MRPL43: variants seen among roughly 807,000 people sequenced by gnomAD.
The protein encoded by MRPL43 is large ribosomal subunit protein mL43.
Under a neutral mutation model 12.7 loss-of-function variants are expected in MRPL43, and 9 were observed. The ratio of observed to expected loss-of-function variants is 0.71; its 90% CI spans 0.43 to 1.24. The LOEUF (loss-of-function observed/expected upper bound fraction) is 1.24. Among genes scored for constraint, MRPL43 ranks in the 50% most tolerant of loss-of-function variants. The pLI is 0.00. For synonymous variants in MRPL43, 116 were observed against 96.4 expected, an observed-to-expected ratio of 1.20 and a Z score of -1.19; for missense variants, 211 against 229.2, an observed-to-expected ratio of 0.92 and a Z score of 0.51.
chr10:100,984,520 T>C (rs1022174562), downstream of MRPL43: 39 of 1,535,988 alleles, frequency 2.5e-5, no homozygotes, highest in African/African-American at 5.5e-5. Flanking sequence ...ATGGGCTCAA[T>C]GTCACCACCC....
chr10:100,979,853 C>A (rs142303289), downstream of MRPL43: 7 of 1,613,558 alleles, frequency 4.3e-6, no homozygotes, highest in African/African-American at 8.0e-5. Context: ...TCTAGGAAGA[C>A]CCTGGAGGCC....
chr10:100,984,479 C>G, downstream of MRPL43: 1 of 1,531,170 alleles, frequency 6.5e-7, no homozygotes, highest in Non-Finnish European at 8.7e-7. Flanking sequence ...AACCCTTTCT[C>G]TTTCTCCCAG....
downstream of MRPL43, chr10:100,978,531 AG>A (rs750452775): frequency 1.5e-5 from 25 of 1,613,878 alleles, no homozygotes; most frequent in Non-Finnish European, 1.9e-5. Flanking sequence ...CGCCAGATGG[AG>A]GCCTCTACAC....
At position 100,986,766 on chromosome 10, in the gene MRPL43, C is replaced by G. The variant is rs754807093; in HGVS notation, c.448G>C (p.Asp150His). ...FRGLRPREVQDPAPAQVQAQ is the reference protein window; with the variant it reads ...FRGLRPREVQHPAPAQVQAQ ...GCTTGCACCTGGGCTGGGGCAGGAT[C>G]CTGAACCTCTCGGGGGCGTAGCCCG... The change falls in exon 3 of 3, where the codon GAT becomes CAT. Residue 150 changes from aspartate to histidine, a missense_variant. Asp to His is a moderately conservative substitution (Grantham distance 81). Transcript: ENST00000318364. 1.5e-5 allele frequency: 25 copies of G among 1,613,756 alleles called. No individual in the cohort carries two copies. In the Admixed American group the frequency reaches 4.2e-4, roughly 27 times the overall value.
chr10:100,978,043 CTCAGATGTTCT>C, downstream of MRPL43: 1 of 574,750 alleles, frequency 1.7e-6, no homozygotes, highest in Non-Finnish European at 3.1e-6. Flanking sequence ...GGGCTAGGGG[CTCAGATGTTCT>C]TCATAGATAA....
In MRPL43 at chr10:100,987,144, C is replaced by T. The variant is rs748575303; in HGVS notation, c.184G>A (p.Val62Ile). ...IDFARRNPGVVIYVNSRPCCV... is the reference protein window; with the variant it reads ...IDFARRNPGVIIYVNSRPCCV... ...CACGGACGCGAGTTTACATATATTACGACCCCTGGATTCCGTCGGGCGAAG... is the reference window on the plus strand; with the variant it reads ...CACGGACGCGAGTTTACATATATTATGACCCCTGGATTCCGTCGGGCGAAG... Residue 62 changes from valine to isoleucine, a missense_variant, in exon 2 of 3, where the codon GTA (valine) becomes ATA (isoleucine). Transcript: ENST00000318364. 1.7e-5 allele frequency: 27 copies of T among 1,613,804 alleles called. No homozygotes were observed. Among genetic ancestry groups the T allele is most frequent in the Non-Finnish European group, 2.0e-5 (24 of 1,180,038 alleles).
chr10:100,978,947 G>C, downstream of MRPL43: 1 of 1,614,192 alleles, frequency 6.2e-7, no homozygotes, highest in Non-Finnish European at 8.5e-7. Flanking sequence ...GCGTGCCACT[G>C]AGGAGGGCTC....
downstream of MRPL43, chr10:100,979,371 G>C (rs1850945289): frequency 1.3e-6 from 2 of 1,596,360 alleles, no homozygotes; most frequent in Admixed American, 1.7e-5. Flanking sequence ...GGGGAGGTCT[G>C]GCTGCAAAGT....
At chr10:100,981,145 T>C, downstream of MRPL43, 1 of 1,614,094 alleles carries the variant, frequency 6.2e-7, no homozygotes, top group Non-Finnish European at 8.5e-7. Context: ...CCCTTGTTCA[T>C]AAAACCTGAT....
chr10:100,979,315 T>C (rs576770183), downstream of MRPL43: 68 of 1,613,690 alleles, frequency 4.2e-5, no homozygotes, highest in African/African-American at 6.3e-4. Flanking sequence ...GCGGACAGCA[T>C]AGGGGCTGGA....
At chr10:100,983,956 T>C, downstream of MRPL43, 1 of 1,571,740 alleles carries the variant, frequency 6.4e-7, no homozygotes, top group South Asian at 1.1e-5. Context: ...ACCAATGGCT[T>C]GGTGGCACTG....
At chr10:100,979,459 T>C, downstream of MRPL43, 1 of 1,437,694 alleles carries the variant, frequency 7.0e-7, no homozygotes, top group Non-Finnish European at 9.3e-7. Flanking sequence ...CTCGGCTCAC[T>C]GCAATCTCCG....
In MRPL43 at chr10:100,986,490, A is replaced by T. The variant is rs1266910064; in HGVS notation, c.*244T>A. The T allele has an allele frequency of 6.5e-7, 1 of 1,549,286 alleles. No homozygotes were observed. Among genetic ancestry groups the T allele is most frequent in the Non-Finnish European group, 8.7e-7 (1 of 1,146,668 alleles). ...AAACAAGGGCCCTGTAAAACCCTTG[A>T]AGTCTTCCTCATCTCAGGTTTTAGG... On this transcript the variant is annotated 3_prime_UTR_variant, in exon 3 of 3. Transcript: ENST00000318364.
At chr10:100,987,029 A>G (rs1389869537) in intron 2 of MRPL43, 54 bp from the exon 3 acceptor site, 14 of 1,607,056 alleles carry the variant, frequency 8.7e-6, no homozygotes, top group African/African-American at 1.3e-5. Context: ...ACCAAGCGAG[A>G]AGGAGGATAG....
chr10:100,987,026 G>C (rs554802043), intron 2 of MRPL43, 51 bp from the exon 3 acceptor site: 1 of 1,606,468 alleles, frequency 6.2e-7, no homozygotes, highest in Non-Finnish European at 8.5e-7. Flanking sequence ...GCGACCAAGC[G>C]AGAAGGAGGA....
chr10:100,984,194 C>T, downstream of MRPL43: 3 of 1,536,696 alleles, frequency 2.0e-6, no homozygotes, highest in Non-Finnish European at 2.6e-6. Flanking sequence ...TGGGCCACTG[C>T]CTCCCTAACA....
chr10:100,983,306 G>A (rs1851211935), downstream of MRPL43: 1 of 1,532,656 alleles, frequency 6.5e-7, no homozygotes, highest in Non-Finnish European at 8.8e-7. Flanking sequence ...ACCCCACAGG[G>A]CCACCACCAC....
chr10:100,978,248 CCCTG>C (rs1385862368), downstream of MRPL43: 1 of 1,441,940 alleles, frequency 6.9e-7, no homozygotes, highest in South Asian at 1.2e-5. Context: ...GAGCCACTGT[CCCTG>C]CCTGTCTTCG....
chr10:100,986,310 A>C lies in MRPL43; in HGVS notation c.*424T>G. ...ATAAGTTTATTAACCTGTTTTATAA[A>C]TCTGTATTCACACAGATATAAAGTG... On this transcript the variant is annotated 3_prime_UTR_variant, in exon 3 of 3. Transcript: ENST00000318364. 1 of 1,396,694 alleles carries C rather than the reference A, an allele frequency of 7.2e-7. No homozygotes were observed. Among genetic ancestry groups the C allele is most frequent in the Non-Finnish European group, 9.2e-7 (1 of 1,082,046 alleles). The allele number at this position is 1,396,694 out of a possible 1,614,324, so 86.5% of individuals were successfully genotyped here. A position where few individuals can be genotyped will look rare whatever the true frequency, so the allele number is the denominator to read the frequency against.
Sources: allele counts gnomAD v4.1 joint callset, GRCh38; gene constraint gnomAD v4.1.1; transcripts MANE v1.5; gene names NCBI Gene and HGNC (gene_info 2026-07-23, HGNC 2026-07-21).